Variants in PTPRN2 observed in about 807,000 individuals in gnomAD.
The protein encoded by PTPRN2 is receptor-type tyrosine-protein phosphatase N2.
A neutral mutation model predicts 118.8 loss-of-function variants in PTPRN2; 74 were observed. The ratio of observed to expected loss-of-function variants is 0.62; its 90% CI spans 0.52 to 0.76. The LOEUF (loss-of-function observed/expected upper bound fraction) is 0.76, where lower values mean the gene tolerates loss of function less well. PTPRN2 is among the 30% of genes least tolerant of loss of function. The probability of loss-of-function intolerance (pLI) is 0.00; values close to 1 mark genes in which losing one functional copy is unlikely to be tolerated. For missense variants in PTPRN2, 1,481 were observed against 1,394.4 expected (o/e 1.06, Z -0.99); for synonymous variants, 641 against 608.0 (o/e 1.05, Z -0.80).
At chr7:158,102,812 C>T (rs1189129359) in intron 10 of PTPRN2, among the ~76,000 whole-genome samples, 2 of 152,124 alleles carry the variant, frequency 1.3e-5, no homozygotes, top group East Asian at 3.9e-4. Context: ...CATAGATAGG[C>T]ACTGAGGAGC....
chr7:158,255,048 C>G lies in PTPRN2; in HGVS notation c.278-49775G>C, dbSNP rs531079548. 2.0e-5 allele frequency among the ~76,000 whole-genome samples: 3 copies of G among 152,322 alleles called. No individual in the cohort carries two copies. The East Asian group carries it at 5.8e-4, about 29-fold the overall frequency. On this transcript the variant is annotated intron_variant, in intron 3 of 22. Coordinates refer to ENST00000389418, the MANE Select transcript of PTPRN2 (RefSeq NM_002847.5). Reference sequence around the variant, plus strand: ...CATCCCTTCCCTGCTCACCCACGTCCAGGACCTGTTCTTTGTATAGAGGTT... The same window carrying G: ...CATCCCTTCCCTGCTCACCCACGTCGAGGACCTGTTCTTTGTATAGAGGTT...
chr7:158,574,435 A>G lies in PTPRN2; in HGVS notation c.112+13123T>C, dbSNP rs1828214639. The stretch of plus-strand genomic sequence containing the variant: ...ATATAACTTGTAAATAAGAATATGT[A>G]TCCGGTAAATAAATGCACATTTCTG... On this transcript the variant is annotated intron_variant, in intron 1 of 22. Transcript: ENST00000389418. This position sits in a 1 kb window ranked among gnomAD's most constrained non-coding sequence, Gnocchi z 4.6. Among the ~76,000 whole-genome samples the G allele has an allele frequency of 6.6e-6, 1 of 152,240 alleles. No individual in the cohort carries two copies. The highest frequency in any genetic ancestry group is 1.5e-5 in the Non-Finnish European group (1 of 68,046).
In PTPRN2 at chr7:158,495,792, T is replaced by C. The variant is rs926941270; in HGVS notation, c.113-6007A>G. 5.2e-4 allele frequency among the ~76,000 whole-genome samples: 79 copies of C among 152,036 alleles called. 1 individual carries two copies. The highest frequency in any genetic ancestry group is 2.1e-4 in the Non-Finnish European group (14 of 67,964). ...GGGGCTGCCTCTGCCAGGCTGGGCG[T>C]GGGAGGACAGAGACCCCCAGACCCT... On this transcript the variant is annotated intron_variant, in intron 1 of 22. Transcript: ENST00000389418.
intron 12 of PTPRN2, among the ~76,000 whole-genome samples, chr7:157,726,250 A>C (rs61420731): frequency 3.4e-5 from 2 of 59,492 alleles, no homozygotes; most frequent in Admixed American, 1.9e-4. Context: ...CCAGACCCTC[A>C]CCTCCCAGGA....
intron 4 of PTPRN2, among the ~76,000 whole-genome samples, chr7:158,197,214 T>C (rs1469921018): frequency 5.3e-5 from 8 of 152,200 alleles, no homozygotes; most frequent in Non-Finnish European, 1.2e-4. Context: ...TTACTTCAAA[T>C]AGAACATACA....
intron 2 of PTPRN2, among the ~76,000 whole-genome samples, chr7:158,461,035 C>T (rs1818946191): frequency 6.6e-6 from 1 of 152,206 alleles, no homozygotes; most frequent in South Asian, 2.1e-4. Flanking sequence ...CCAAGACACA[C>T]TGCAGAGAAA....
intron 2 of PTPRN2, among the ~76,000 whole-genome samples, chr7:158,435,824 GA>G (rs1235407257): frequency 1.3e-5 from 2 of 152,306 alleles, no homozygotes; most frequent in African/African-American, 4.8e-5. Flanking sequence ...TCCAGGCACA[GA>G]AAAGATAACA....
intron 3 of PTPRN2, among the ~76,000 whole-genome samples, chr7:158,235,056 C>G (rs1484775054): frequency 6.6e-6 from 1 of 152,230 alleles, no homozygotes; most frequent in African/African-American, 2.4e-5. Context: ...GCCACCGGGC[C>G]TGGCCCAAAA....
At chr7:158,229,249 A>G (rs1829014316) in intron 3 of PTPRN2, among the ~76,000 whole-genome samples, 1 of 152,008 alleles carries the variant, frequency 6.6e-6, no homozygotes, top group South Asian at 2.1e-4. Flanking sequence ...AAATTATGTG[A>G]CTCTCTAAGC....
intron 12 of PTPRN2, among the ~76,000 whole-genome samples, chr7:157,887,508 C>T (rs539468745): frequency 1.1e-5 from 1 of 90,906 alleles, no homozygotes; most frequent in Non-Finnish European, 2.3e-5. Context: ...CGTCAGTACC[C>T]ACTCCCCCCA....
intron 10 of PTPRN2, among the ~76,000 whole-genome samples, chr7:158,083,482 T>A (rs957595877): frequency 6.6e-6 from 1 of 152,104 alleles, no homozygotes; most frequent in Non-Finnish European, 1.5e-5. Context: ...CTAAACCTAA[T>A]TTTTCCCTCA....
chr7:158,156,396 C>G (rs188218608), intron 6 of PTPRN2, among the ~76,000 whole-genome samples: 1 of 152,284 alleles, frequency 6.6e-6, no homozygotes, highest in African/African-American at 2.4e-5. Flanking sequence ...AACTGACGGA[C>G]GACAGGTAAC....
At chr7:157,683,903 A>G (rs962970335) in intron 12 of PTPRN2, among the ~76,000 whole-genome samples, 10 of 152,304 alleles carry the variant, frequency 6.6e-5, no homozygotes, top group Admixed American at 5.2e-4. Flanking sequence ...CCTGGCTGCT[A>G]CAAGATGAGA....
chr7:157,671,263 G>T lies in PTPRN2; in HGVS notation c.2001+11462C>A, dbSNP rs1323447079. Among the ~76,000 whole-genome samples, 1 of 152,240 alleles carries T rather than the reference G, an allele frequency of 6.6e-6. No homozygotes were observed. Among genetic ancestry groups the T allele is most frequent in the Non-Finnish European group, 1.5e-5 (1 of 68,044 alleles). ...GGAAGCCAAGGCTGTCCCCACACGGGCTGGTCTGGTGTGGGCAACAAGGCC... is the reference window on the plus strand; with the variant it reads ...GGAAGCCAAGGCTGTCCCCACACGGTCTGGTCTGGTGTGGGCAACAAGGCC... On this transcript the variant is annotated intron_variant, in intron 13 of 22. Coordinates refer to ENST00000389418, the MANE Select transcript of PTPRN2 (RefSeq NM_002847.5). The surrounding 1 kb of genome is among the most constrained non-coding windows in gnomAD (Gnocchi z 4.1).
At chr7:157,734,017 G>A (rs1402475741) in intron 12 of PTPRN2, among the ~76,000 whole-genome samples, 1 of 80,062 alleles carries the variant, frequency 1.2e-5, no homozygotes, top group Admixed American at 1.3e-4. Flanking sequence ...CGTCCCATGC[G>A]CCCAGCACAG....
chr7:157,886,515 GC>G (rs1796453562), intron 12 of PTPRN2, among the ~76,000 whole-genome samples: 1 of 152,052 alleles, frequency 6.6e-6, no homozygotes, highest in African/African-American at 2.4e-5. Flanking sequence ...CACCTCTCCT[GC>G]CTTTAAGTCA....
In PTPRN2 at chr7:157,671,360, G is replaced by C. The variant is rs1042749308; in HGVS notation, c.2001+11365C>G. On this transcript the variant is annotated intron_variant, in intron 13 of 22. Transcript: ENST00000389418. This position sits in a 1 kb window ranked among gnomAD's most constrained non-coding sequence, Gnocchi z 4.1. ...CCCTACACTGGAGGGATGGTGACGA[G>C]ACGTCACCGCAGAGGCGGCAGAAGG... Among the ~76,000 whole-genome samples, 3 of 152,182 alleles carry C rather than the reference G, an allele frequency of 2.0e-5. No individual in the cohort carries two copies. The highest frequency in any genetic ancestry group is 7.2e-5 in the African/African-American group (3 of 41,460).
rs192455666 is a variant in PTPRN2 at position 158,324,220 on chromosome 7, G to A, written c.164-7288C>T. Among the ~76,000 whole-genome samples, 449 of 152,220 alleles carry A rather than the reference G, an allele frequency of 2.9e-3. 2 individuals are homozygous for A. The highest frequency in any genetic ancestry group is 0.01 in the African/African-American group (423 of 41,524). On this transcript the variant is annotated intron_variant, in intron 2 of 22. Transcript: ENST00000389418. ...CGCCCTGCAGGACCACCCTCTCCCC[G>A]GTGACACCGTGAGTTCCTGGAAGGC...
At chr7:158,136,351 G>T (rs141574392) in intron 8 of PTPRN2, among the ~76,000 whole-genome samples, 1 of 152,198 alleles carries the variant, frequency 6.6e-6, no homozygotes, top group Admixed American at 6.5e-5. Context: ...ACAGGCTGCC[G>T]TGTGATAATC....
Sources: allele counts gnomAD v4.1 joint callset (sites outside exome capture counted in the v4.1 genomes callset), GRCh38; gene constraint gnomAD v4.1.1; non-coding constraint Gnocchi (gnomAD v3.1); transcripts MANE v1.5; gene names NCBI Gene and HGNC (gene_info 2026-07-23, HGNC 2026-07-21).